The following USP25 variants were observed in gnomAD, a reference collection of about 807,000 sequenced individuals.
USP25 encodes the protein ubiquitin carboxyl-terminal hydrolase 25.
USP25 carries 85 observed loss-of-function variants against 158.5 expected under a neutral mutation model. The ratio of observed to expected loss-of-function variants is 0.54; its 90% CI spans 0.45 to 0.64. The LOEUF (loss-of-function observed/expected upper bound fraction) is 0.64, where lower values mean the gene tolerates loss of function less well. Ranked by LOEUF, USP25 falls within the 30% of genes least tolerant of loss-of-function variation. The pLI, the probability that USP25 is intolerant of heterozygous loss-of-function variation, is 0.00. For synonymous variants in USP25, 464 were observed against 460.4 expected (o/e 1.01, Z -0.10); for missense variants, 1,242 against 1,327.3 (o/e 0.94, Z 1.00).
intron 24 of USP25, among the ~76,000 whole-genome samples, chr21:15,874,818 G>C (rs1243877250): frequency 6.6e-6 from 1 of 151,620 alleles, no homozygotes; most frequent in East Asian, 1.9e-4. Context: ...TCCTTTTTTT[G>C]GTGGGAGAGG....
intron 14 of USP25, among the ~76,000 whole-genome samples, chr21:15,828,268 A>G (rs1469340659): frequency 2.0e-5 from 3 of 152,196 alleles, no homozygotes; most frequent in Non-Finnish European, 4.4e-5. Flanking sequence ...CTCATTAACA[A>G]ACATTAATCA....
intron 3 of USP25, among the ~76,000 whole-genome samples, chr21:15,772,868 G>T (rs547460884): frequency 6.6e-6 from 1 of 152,272 alleles, no homozygotes; most frequent in East Asian, 1.9e-4. Context: ...TTTCAGGATT[G>T]TATGTGTGGA....
At chr21:15,773,431 A>G (rs1051188629) in intron 3 of USP25, 1 of 148,264 alleles carries the variant, frequency 6.7e-6, no homozygotes, top group Middle Eastern at 3.5e-3. Context: ...GCTTTGTCAC[A>G]ATGATTATTG....
chr21:15,833,791 C>A lies in USP25; in HGVS notation c.2194+243C>A, dbSNP rs752424264. 2.0e-4 allele frequency among the ~76,000 whole-genome samples: 31 copies of A among 152,260 alleles called. No homozygotes were observed. The Middle Eastern group carries it at 0.01, about 50-fold the overall frequency. On this transcript the variant is annotated intron_variant, in intron 17 of 25. Coordinates refer to ENST00000400183, the MANE Select transcript of USP25 (RefSeq NM_001283041.3). ...ATTCTGTTGACTTTCCCTCTACCTA[C>A]TCTGCCTGTGTTGGGTGGGCTTGAA...
At chr21:15,822,893 T>C (rs2037304055) in intron 10 of USP25, among the ~76,000 whole-genome samples, 1 of 152,042 alleles carries the variant, frequency 6.6e-6, no homozygotes, top group African/African-American at 2.4e-5. Context: ...CAGTAAAAGA[T>C]AACCATCCAG....
intron 1 of USP25, among the ~76,000 whole-genome samples, chr21:15,759,009 T>A (rs2033569942): frequency 6.6e-6 from 1 of 152,202 alleles, no homozygotes; most frequent in South Asian, 2.1e-4. Flanking sequence ...AATGACTGAT[T>A]TCCTTGGGTA....
At chr21:15,870,251 T>G in intron 23 of USP25, 104 bp downstream of exon 23, 1 of 720,450 alleles carries the variant, frequency 1.4e-6, no homozygotes, top group Non-Finnish European at 2.2e-6. Context: ...CTCTGTATTT[T>G]TAATAAATGT....
intron 1 of USP25, among the ~76,000 whole-genome samples, chr21:15,739,299 G>GC (rs2031820425): frequency 6.6e-6 from 1 of 152,078 alleles, no homozygotes; most frequent in Non-Finnish European, 1.5e-5. Context: ...TGTACCTCAT[G>GC]CATTTCTGAA....
chr21:15,757,661 C>G (rs150894604), intron 1 of USP25, among the ~76,000 whole-genome samples: 2,188 of 152,272 alleles, frequency 0.014, 26 homozygotes, highest in Middle Eastern at 0.044. Context: ...AGTGGGCTAC[C>G]AAGTCATGTT....
chr21:15,808,171 T>G (rs1342528394), intron 7 of USP25, among the ~76,000 whole-genome samples: 1 of 152,226 alleles, frequency 6.6e-6, no homozygotes, highest in East Asian at 1.9e-4. Flanking sequence ...CTATTTATTA[T>G]TTTCTGTGTT....
intron 16 of USP25, among the ~76,000 whole-genome samples, chr21:15,831,924 A>T (rs2037823887): frequency 6.6e-6 from 1 of 152,210 alleles, no homozygotes; most frequent in African/African-American, 2.4e-5. Flanking sequence ...CCTTAGCCTA[A>T]CATATATGGC....
At chr21:15,818,247 C>G (rs137862974) in intron 9 of USP25, among the ~76,000 whole-genome samples, 11 of 152,260 alleles carry the variant, frequency 7.2e-5, no homozygotes, top group African/African-American at 2.6e-4. Flanking sequence ...ATAATTCTGT[C>G]TCATCACAAC....
intron 5 of USP25, among the ~76,000 whole-genome samples, chr21:15,798,013 T>C (rs1476361293): frequency 6.6e-6 from 1 of 151,290 alleles, no homozygotes; most frequent in African/African-American, 2.4e-5. Flanking sequence ...TTCAGTAATA[T>C]CTGTGGTTTC....
At chr21:15,778,740 ATAATT>A (rs2034796208) in intron 4 of USP25, among the ~76,000 whole-genome samples, 2 of 152,138 alleles carry the variant, frequency 1.3e-5, no homozygotes, top group African/African-American at 4.8e-5. Flanking sequence ...TGGAGATATA[ATAATT>A]TAATAAGCCA....
intron 7 of USP25, among the ~76,000 whole-genome samples, chr21:15,806,265 T>C (rs2036384382): frequency 6.6e-6 from 1 of 152,174 alleles, no homozygotes; most frequent in African/African-American, 2.4e-5. Flanking sequence ...CATTCAGCAT[T>C]CCTTCTGGTT....
At chr21:15,831,095 A>G (rs979008635) in intron 15 of USP25, among the ~76,000 whole-genome samples, 1 of 152,190 alleles carries the variant, frequency 6.6e-6, no homozygotes, top group African/African-American at 2.4e-5. Context: ...ACTGCCCACT[A>G]TAAGCTTTTT....
intron 18 of USP25, among the ~76,000 whole-genome samples, chr21:15,845,655 C>T (rs111731904): frequency 0.018 from 2,743 of 152,156 alleles, 70 homozygotes; most frequent in African/African-American, 0.062. Flanking sequence ...AAGTGATAAC[C>T]ATTTGCTTCA....
rs2039648295 is a variant in USP25, at chr21:15,866,200, CAA to C, written c.2727-64_2727-63del. 6.3e-6 allele frequency: 6 copies of C among 947,144 alleles called. No individual in the cohort carries two copies. In the Admixed American group the frequency reaches 1.2e-4, roughly 19 times the overall value. The allele number at this position is 947,144 out of a possible 1,614,324, so 58.7% of individuals were successfully genotyped here. On this transcript the variant is annotated intron_variant, in intron 21 of 25. Coordinates refer to ENST00000400183, the MANE Select transcript of USP25 (RefSeq NM_001283041.3). Reference sequence around the variant, plus strand: ...GTTTATGGATTTTGCTTTTGATTTACAAATATATATATATATATATACACACA... The same window carrying C: ...GTTTATGGATTTTGCTTTTGATTTACATATATATATATATATATACACACA...
intron 1 of USP25, among the ~76,000 whole-genome samples, chr21:15,737,937 C>T (rs990367376): frequency 1.3e-5 from 2 of 151,876 alleles, no homozygotes; most frequent in African/African-American, 2.4e-5. Flanking sequence ...AGCCAGTGAG[C>T]ATTTCCTTTC....
Sources: allele counts gnomAD v4.1 joint callset (sites outside exome capture counted in the v4.1 genomes callset), GRCh38; gene constraint gnomAD v4.1.1; transcripts MANE v1.5; gene names NCBI Gene and HGNC (gene_info 2026-07-23, HGNC 2026-07-21).